Variants in TOMM70 observed in about 807,000 individuals in gnomAD.
TOMM70 encodes the protein translocase of outer mitochondrial membrane 70, also known as mitochondrial import receptor subunit TOM70.
In TOMM70, 13 loss-of-function variants were observed where a neutral mutation model predicts 73.6. The ratio of observed to expected loss-of-function variants is 0.18; its 90% CI spans 0.11 to 0.28. The LOEUF (loss-of-function observed/expected upper bound fraction) is 0.28, where lower values mean the gene tolerates loss of function less well. Ranked by LOEUF, TOMM70 falls within the 10% of genes least tolerant of loss-of-function variation. The pLI is 1.00. For synonymous variants in TOMM70, 257 were observed against 271.2 expected, an observed-to-expected ratio of 0.95 and a Z score of 0.51; for missense variants, 609 against 747.5, an observed-to-expected ratio of 0.81 and a Z score of 2.16.
chr3:100,388,647 A>G (rs1408531850), intron 1 of TOMM70, among the ~76,000 whole-genome samples: 1 of 152,166 alleles, frequency 6.6e-6, no homozygotes, highest in African/African-American at 2.4e-5. Context: ...ACAAAAGGGA[A>G]AAACAACCCA....
intron 1 of TOMM70, among the ~76,000 whole-genome samples, chr3:100,390,871 G>A (rs1053509619): frequency 3.9e-5 from 6 of 151,916 alleles, no homozygotes; most frequent in Non-Finnish European, 7.4e-5. Flanking sequence ...TGAGTGCGGC[G>A]GCTCACGCTT....
intron 1 of TOMM70, among the ~76,000 whole-genome samples, chr3:100,391,861 A>G (rs888220262): frequency 6.6e-6 from 1 of 152,258 alleles, no homozygotes. Flanking sequence ...AGTATACTAC[A>G]GTAGCATTCA....
At chr3:100,395,426 C>G (rs903470177) in intron 1 of TOMM70, among the ~76,000 whole-genome samples, 9 of 151,266 alleles carry the variant, frequency 5.9e-5, no homozygotes, top group Middle Eastern at 3.2e-3. Flanking sequence ...GGCATGGTGG[C>G]GAGCTACTCA....
At chr3:100,389,924 C>T (rs1706739907) in intron 1 of TOMM70, among the ~76,000 whole-genome samples, 2 of 152,098 alleles carry the variant, frequency 1.3e-5, no homozygotes, top group East Asian at 1.9e-4. Flanking sequence ...CCTGTAGTCC[C>T]AGCTACTCAG....
intron 11 of TOMM70, among the ~76,000 whole-genome samples, chr3:100,367,689 G>T (rs751519419): frequency 6.6e-6 from 1 of 152,190 alleles, no homozygotes; most frequent in Non-Finnish European, 1.5e-5. Flanking sequence ...CCTTTTAATG[G>T]TGGATCTTAA....
At chr3:100,386,163 C>A in intron 3 of TOMM70, 55 bp downstream of exon 3, 2 of 1,552,616 alleles carry the variant, frequency 1.3e-6, no homozygotes, top group South Asian at 1.2e-5. Flanking sequence ...ATACATTTAC[C>A]AATGACTACA....
Position 100,375,045 on chromosome 3 carries a change from A to G in TOMM70, c.1200T>C (p.Asn400=). 1 of 1,609,232 alleles carries G rather than the reference A, an allele frequency of 6.2e-7. No individual in the cohort carries two copies. The highest frequency in any genetic ancestry group is 8.5e-7 in the Non-Finnish European group (1 of 1,178,230). ...FNMAADIDPQ[N]ADVYHHRGQL... is the part of the protein sequence containing the mutation. ...GTCCTCGGTGGTGATAAACATCTGC[A>G]TTCTGAGGATCGATGTCAGCAGCCA... Residue 400 remains asparagine, a synonymous_variant, in exon 7 of 12, where the codon AAT becomes AAC. Transcript: ENST00000284320.
Position 100,367,091 on chromosome 3 carries a change from C to T in TOMM70, c.1673+953G>A, listed in dbSNP as rs1706454249. On this transcript the variant is annotated intron_variant, in intron 11 of 11. Transcript: ENST00000284320. ...AAAAAGTTAGCTGGGCATGGTGGTG[C>T]ATGCCTGTAGTCCCAGCTACTTGGG... 4.6e-5 allele frequency among the ~76,000 whole-genome samples: 7 copies of T among 152,160 alleles called. No individual in the cohort carries two copies. In the South Asian group the frequency reaches 1.5e-3, roughly 32 times the overall value.
rs752031518 is a variant in TOMM70, at chr3:100,381,649, C to T, written c.850G>A (p.Asp284Asn). The T allele has an allele frequency of 1.2e-6, 2 of 1,613,142 alleles. No homozygotes were observed. The highest frequency in any genetic ancestry group is 1.7e-6 in the Non-Finnish European group (2 of 1,179,556). Residue 284 changes from aspartate to asparagine, a missense_variant, in exon 5 of 12, where the codon GAC becomes AAC. Asp to Asn is a conservative substitution (Grantham distance 23). Transcript: ENST00000284320. ...ACTTCTAAAGCCTCCCCTTCCTTGT[C>T]TTTATCTTCATCAGATTTCTCTCCT... is the stretch of plus-strand genomic sequence containing the variant. ...LKGEKSDEDKDKEGEALEVKE... is the reference protein window; with the variant it reads ...LKGEKSDEDKNKEGEALEVKE...
intron 1 of TOMM70, among the ~76,000 whole-genome samples, chr3:100,394,412 A>AC (rs781283798): frequency 6.8e-6 from 1 of 146,726 alleles, no homozygotes; most frequent in Non-Finnish European, 1.5e-5. Context: ...CCAGGGGGGC[A>AC]CGATGTCCAC....
intron 5 of TOMM70, among the ~76,000 whole-genome samples, chr3:100,380,966 G>A (rs565086768): frequency 1.2e-4 from 18 of 152,216 alleles, no homozygotes; most frequent in African/African-American, 4.3e-4. Flanking sequence ...AAAAAATCAT[G>A]TTGATAATAA....
intron 1 of TOMM70, among the ~76,000 whole-genome samples, chr3:100,399,734 AT>A (rs34524680): frequency 0.36 from 45,841 of 125,908 alleles, 7,130 homozygotes; most frequent in South Asian, 0.49. Flanking sequence ...AGTCACTCCC[AT>A]TTTTTTTTTT....
At chr3:100,390,785 C>T (rs1230657196) in intron 1 of TOMM70, among the ~76,000 whole-genome samples, 2 of 151,538 alleles carry the variant, frequency 1.3e-5, no homozygotes, top group East Asian at 1.9e-4. Flanking sequence ...GCCAAGATTG[C>T]GCCACTGCAC....
intron 6 of TOMM70, among the ~76,000 whole-genome samples, chr3:100,377,199 A>T (rs1706575622): frequency 6.6e-6 from 1 of 152,238 alleles, no homozygotes; most frequent in African/African-American, 2.4e-5. Context: ...CCTGAATCTT[A>T]ATTATGAAAT....
intron 1 of TOMM70, among the ~76,000 whole-genome samples, chr3:100,398,108 T>C (rs546421249): frequency 6.6e-6 from 1 of 151,780 alleles, no homozygotes; most frequent in South Asian, 2.1e-4. Flanking sequence ...TTTCAGCCGG[T>C]GAGGTGGCTC....
intron 1 of TOMM70, among the ~76,000 whole-genome samples, chr3:100,400,176 CA>C (rs1172242382): frequency 8.5e-5 from 13 of 152,146 alleles, no homozygotes; most frequent in Non-Finnish European, 1.5e-5. Context: ...CACTTACCCC[CA>C]GCAAAAACAC....
rs781198734 is a variant in TOMM70, at chr3:100,372,699, G to A, written c.1359C>T (p.Asn453=). 6.2e-7 allele frequency: 1 copy of A among 1,613,948 alleles called. No individual in the cohort carries two copies. Among genetic ancestry groups the A allele is most frequent in the Non-Finnish European group, 8.5e-7 (1 of 1,179,904 alleles). ...TAGCTGCTTGGATTTGTGAAGAGTT[G>A]TTTCCCGTATATGCCTGGCGGTACT... ...FALYRQAYTG[N]NSSQIQAAMK... Residue 453 remains asparagine, a synonymous_variant, in exon 9 of 12, where the codon AAC becomes AAT. Coordinates refer to ENST00000284320, the MANE Select transcript of TOMM70 (RefSeq NM_014820.5).
chr3:100,376,040 A>G (rs553212597), intron 6 of TOMM70, among the ~76,000 whole-genome samples: 1 of 152,250 alleles, frequency 6.6e-6, no homozygotes, highest in South Asian at 2.1e-4. Flanking sequence ...TTATTGTCCA[A>G]TGTTTTTTAT....
chr3:100,375,392 C>T (rs558597317), intron 6 of TOMM70, among the ~76,000 whole-genome samples: 1 of 152,270 alleles, frequency 6.6e-6, no homozygotes, highest in East Asian at 1.9e-4. Flanking sequence ...CTCTCCATCC[C>T]CCTCACCTCC....
Sources: allele counts gnomAD v4.1 joint callset (sites outside exome capture counted in the v4.1 genomes callset), GRCh38; gene constraint gnomAD v4.1.1; transcripts MANE v1.5; gene names NCBI Gene and HGNC (gene_info 2026-07-23, HGNC 2026-07-21).